DRC7: variants seen among roughly 807,000 people sequenced by gnomAD.
The protein encoded by DRC7 is coiled-coil domain containing 135.
Under a neutral mutation model 104.4 loss-of-function variants are expected in DRC7, and 80 were observed. The observed-to-expected ratio is 0.77, with a 90% CI of 0.64 to 0.92. DRC7 has a LOEUF of 0.92. DRC7 is among the 40% of genes least tolerant of loss of function. DRC7 has a pLI of 0.00. For synonymous variants in DRC7, 405 were observed against 447.3 expected (o/e 0.91, Z 1.19); for missense variants, 1,034 against 1,141.1 (o/e 0.91, Z 1.35).
At position 57,727,528 on chromosome 16, in the gene DRC7, A is replaced by G; in HGVS notation, c.2196+119A>G. ...CTCTGTGGGGGATACGGTTATTGAT[A>G]CCATGCGGTCATCCTTGCTGCTGAA... On this transcript the variant is annotated intron_variant, in intron 16 of 18. Transcript: ENST00000360716. The G allele has an allele frequency of 5.7e-6, 4 of 695,930 alleles. 1 individual carries two copies. In the South Asian group the frequency reaches 6.7e-5, roughly 12 times the overall value. The allele number at this position is 695,930 out of a possible 1,614,324, so 43.1% of individuals were successfully genotyped here.
intron 16 of DRC7, 112 bp from the exon 17 acceptor site, chr16:57,728,278 C>G (rs1349955195): frequency 1.3e-5 from 14 of 1,049,180 alleles, no homozygotes; most frequent in Non-Finnish European, 1.3e-6. Flanking sequence ...GCGCCATGCA[C>G]TGGAACCTGG....
At chr16:57,706,524 TCCCATCCA>T (rs1224153488) in intron 7 of DRC7, among the ~76,000 whole-genome samples, 61 of 43,396 alleles carry the variant, frequency 1.4e-3, no homozygotes, top group Non-Finnish European at 1.7e-3. Flanking sequence ...CCTCCCACCC[TCCCATCCA>T]CCCATCCACC....
intron 7 of DRC7, among the ~76,000 whole-genome samples, chr16:57,705,956 AT>A (rs2048717653): frequency 8.6e-6 from 1 of 116,448 alleles, no homozygotes; most frequent in Non-Finnish European, 1.8e-5. Context: ...CCTCCCATCC[AT>A]CCTTCCATCC....
In DRC7 at chr16:57,723,213, A is replaced by G. The variant is rs143328944; in HGVS notation, c.1537+83A>G. On this transcript the variant is annotated intron_variant, in intron 12 of 18. Coordinates refer to ENST00000360716, the MANE Select transcript of DRC7 (RefSeq NM_001289162.2). ...CCTGTGGCAGGTGGTATGTGGTGGC[A>G]GGAACCAGCATACATATTATACATG... is the stretch of plus-strand genomic sequence containing the variant. 6.0e-4 allele frequency: 898 copies of G among 1,508,966 alleles called. 6 individuals carry two copies. In the African/African-American group the frequency reaches 0.011, roughly 19 times the overall value. 93.5% of individuals were successfully genotyped at this position (1,508,966 alleles called of 1,614,324 possible).
rs1391092227 is a variant in DRC7 at position 57,727,407 on chromosome 16, A to G, written c.2194A>G (p.Met732Val). ...NEKSKEYREA[M>V]ERMMHEEHLR... ...GAAGAGCAAGGAATATCGGGAGGCC[A>G]TGGTCAGTCCCAATCCCTTCTCCAG... is the stretch of plus-strand genomic sequence containing the variant. Residue 732 changes from methionine to valine, a missense_variant and splice_region_variant, in exon 16 of 19, where the codon ATG becomes GTG. Physicochemically the swap from Met to Val is conservative, Grantham distance 21. Coordinates refer to ENST00000360716, the MANE Select transcript of DRC7 (RefSeq NM_001289162.2). 4 of 1,610,634 alleles carry G rather than the reference A, an allele frequency of 2.5e-6. No homozygotes were observed. Among genetic ancestry groups the G allele is most frequent in the African/African-American group, 1.3e-5 (1 of 74,846 alleles).
rs764385106 is a variant in DRC7, at chr16:57,726,917, A to G, written c.2060A>G (p.His687Arg). 11 of 1,611,128 alleles carry G rather than the reference A, an allele frequency of 6.8e-6. No individual in the cohort carries two copies. The African/African-American group carries it at 1.3e-4, about 20-fold the overall frequency. ...AAGAGGGAGGAGAAGCTGTCCAGACATCAGGTCTGGGAGTCAGAGCTGGAG... is the reference window on the plus strand; with the variant it reads ...AAGAGGGAGGAGAAGCTGTCCAGACGTCAGGTCTGGGAGTCAGAGCTGGAG... ...HLKREEKLSR[H>R]QVWESELEVL... The change falls in exon 15 of 19, where the codon CAT (histidine) becomes CGT (arginine). Residue 687 changes from histidine (H) to arginine (R), a missense_variant. By Grantham distance (29) the His-to-Arg change is conservative (BLOSUM62 0). Coordinates refer to ENST00000360716, the MANE Select transcript of DRC7 (RefSeq NM_001289162.2).
rs2048744939 is a variant in DRC7 at position 57,707,513 on chromosome 16, G to T, written c.912G>T (p.Trp304Cys). 6.2e-7 allele frequency: 1 copy of T among 1,613,444 alleles called. No individual in the cohort carries two copies. The highest frequency in any genetic ancestry group is 8.5e-7 in the Non-Finnish European group (1 of 1,180,014). ...TGCACGGCCTGCGGGTGCACTCCTGGGTCCTTGTGCTATCGGGGAAGCGCG... is the reference window on the plus strand; with the variant it reads ...TGCACGGCCTGCGGGTGCACTCCTGTGTCCTTGTGCTATCGGGGAAGCGCG... The part of the protein sequence containing the change: ...DALHGLRVHS[W>C]VLVLSGKREV... The change falls in exon 8 of 19, where the codon TGG becomes TGT. Residue 304 changes from tryptophan to cysteine, a missense_variant. Coordinates refer to ENST00000360716, the MANE Select transcript of DRC7 (RefSeq NM_001289162.2).
chr16:57,729,958 A>ATGGATGGATGGGCGAG (rs2049037227), intron 17 of DRC7, among the ~76,000 whole-genome samples: 1 of 130,212 alleles, frequency 7.7e-6, no homozygotes, highest in African/African-American at 3.0e-5. Flanking sequence ...GGGTGGATGG[A>ATGGATGGATGGGCGAG]TGGATGGATG....
chr16:57,701,088 G>A (rs1056990420), intron 5 of DRC7, among the ~76,000 whole-genome samples: 2 of 152,144 alleles, frequency 1.3e-5, no homozygotes, highest in Non-Finnish European at 2.9e-5. Flanking sequence ...TTGAGTGAGG[G>A]CAACTAAGGC....
At chr16:57,716,952 T>G (rs556511635) in intron 8 of DRC7, among the ~76,000 whole-genome samples, 1 of 151,510 alleles carries the variant, frequency 6.6e-6, no homozygotes, top group African/African-American at 2.4e-5. Context: ...AGGTCAGGAG[T>G]TTGAGACCAG....
chr16:57,707,807 A>G lies in DRC7; in HGVS notation c.1077+129A>G, dbSNP rs1270900429. ...GCCACGAGGGCTTTGAACCTTCTCC[A>G]TAGCTGCGTCTCCATGGCCCACTCC... is the stretch of plus-strand genomic sequence containing the variant. On this transcript the variant is annotated intron_variant, in intron 8 of 18. Coordinates refer to ENST00000360716, the MANE Select transcript of DRC7 (RefSeq NM_001289162.2). 3 of 752,198 alleles carry G rather than the reference A, an allele frequency of 4.0e-6. No individual in the cohort carries two copies. The Admixed American group carries it at 6.1e-5, about 15-fold the overall frequency. 46.6% of individuals were successfully genotyped at this position (752,198 alleles called of 1,614,324 possible).
In DRC7 at chr16:57,727,336, C is replaced by T. The variant is rs113808967; in HGVS notation, c.2123C>T (p.Ala708Val). The T allele has an allele frequency of 2.4e-3, 3,824 of 1,613,156 alleles. 92 individuals are homozygous for T. In the South Asian group the frequency reaches 0.028, roughly 12 times the overall value. Residue 708 changes from alanine to valine, a missense_variant, in exon 16 of 19, where the codon GCG (alanine) becomes GTG (valine). Transcript: ENST00000360716. Reference protein sequence around the residue: ...EILKLREEEEAAHTLTISIYD... With the variant: ...EILKLREEEEVAHTLTISIYD... ...CTGAAGCTTCGAGAGGAAGAGGAGG[C>T]GGCGCACACACTGACCATCTCCATC...
intron 17 of DRC7, among the ~76,000 whole-genome samples, chr16:57,729,763 T>C (rs867036617): frequency 1.2e-5 from 1 of 82,868 alleles, no homozygotes; most frequent in Non-Finnish European, 2.3e-5. Flanking sequence ...GGTGGGTGGA[T>C]GGATGAGTGG....
At chr16:57,718,784 C>T (rs181887677) in intron 9 of DRC7, among the ~76,000 whole-genome samples, 63 of 152,164 alleles carry the variant, frequency 4.1e-4, no homozygotes, top group African/African-American at 1.4e-3. Context: ...GAAAGCATGT[C>T]CCTTGCCAGC....
intron 8 of DRC7, among the ~76,000 whole-genome samples, chr16:57,711,234 G>T (rs1168242143): frequency 6.6e-6 from 1 of 152,186 alleles, no homozygotes; most frequent in Non-Finnish European, 1.5e-5. Flanking sequence ...CAAATTTATT[G>T]TTATGAAAGT....
At chr16:57,730,773 C>G (rs971299720) in intron 17 of DRC7, among the ~76,000 whole-genome samples, 158 bp from the exon 18 acceptor site, 3 of 152,098 alleles carry the variant, frequency 2.0e-5, no homozygotes, top group Non-Finnish European at 4.4e-5. Flanking sequence ...TTTTGTGGCC[C>G]CTGCCTCTGT....
At chr16:57,729,205 GAT>G (rs2049015183) in intron 17 of DRC7, among the ~76,000 whole-genome samples, 1 of 132,930 alleles carries the variant, frequency 7.5e-6, no homozygotes, top group Non-Finnish European at 1.6e-5. Context: ...TGGATGGGTG[GAT>G]GGATGAATGG....
intron 8 of DRC7, among the ~76,000 whole-genome samples, chr16:57,709,068 G>A (rs2148747415): frequency 6.7e-6 from 1 of 149,948 alleles, no homozygotes; most frequent in East Asian, 2.0e-4. Context: ...GGCGGAGGTT[G>A]TAGTGAGCCT....
intron 6 of DRC7, among the ~76,000 whole-genome samples, chr16:57,704,000 C>A (rs1338577202): frequency 1.3e-5 from 2 of 148,822 alleles, no homozygotes; most frequent in Admixed American, 6.7e-5. Context: ...AGCCTCTGAG[C>A]TCCCACCCGG....
Sources: gnomAD v4.1 joint callset for allele counts (sites outside exome capture counted in the v4.1 genomes callset) on GRCh38, gnomAD v4.1.1 for gene constraint, MANE v1.5 for transcripts, NCBI Gene and HGNC (gene_info 2026-07-23, HGNC 2026-07-21) for gene names.